DGKB: variants seen among roughly 807,000 people sequenced by gnomAD.
DGKB encodes 90 kDa diacylglycerol kinase.
Under a neutral mutation model 114.3 loss-of-function variants are expected in DGKB, and 67 were observed. That is an observed-to-expected ratio of 0.59 (90% CI 0.48 to 0.72). DGKB has a LOEUF of 0.72. DGKB is among the 30% of genes least tolerant of loss of function. DGKB has a pLI of 0.00. For synonymous variants in DGKB, 398 were observed against 323.1 expected (o/e 1.23, Z -2.49); for missense variants, 907 against 975.2 (o/e 0.93, Z 0.93).
At chr7:14,169,540 G>A (rs1280769411) in intron 25 of DGKB, among the ~76,000 whole-genome samples, 8 of 152,052 alleles carry the variant, frequency 5.3e-5, no homozygotes, top group African/African-American at 1.9e-4. Flanking sequence ...GTAATCCTCT[G>A]GGAAGTGGTT....
intron 21 of DGKB, among the ~76,000 whole-genome samples, chr7:14,469,144 A>C (rs1780910178): frequency 6.6e-6 from 1 of 152,154 alleles, no homozygotes; most frequent in South Asian, 2.1e-4. Flanking sequence ...CTGTAAAGTT[A>C]CAAAGTAGAA....
At chr7:14,589,675 G>A (rs1232159149) in intron 17 of DGKB, among the ~76,000 whole-genome samples, 2 of 151,568 alleles carry the variant, frequency 1.3e-5, no homozygotes, top group African/African-American at 2.4e-5. Flanking sequence ...TCCTTTAATC[G>A]GTTAGTGTGA....
chr7:14,832,893 T>C (rs1281319933), intron 2 of DGKB, among the ~76,000 whole-genome samples: 2 of 152,166 alleles, frequency 1.3e-5, no homozygotes, highest in Non-Finnish European at 2.9e-5. Flanking sequence ...GCTCCAGATA[T>C]GTATTTCCAA....
At chr7:14,777,384 C>T (rs1838358501) in intron 2 of DGKB, among the ~76,000 whole-genome samples, 1 of 152,074 alleles carries the variant, frequency 6.6e-6, no homozygotes. Flanking sequence ...CATGGTTTGG[C>T]TATGTCACCA....
At chr7:14,528,027 G>A (rs554417404) in intron 20 of DGKB, among the ~76,000 whole-genome samples, 113 of 152,126 alleles carry the variant, frequency 7.4e-4, no homozygotes, top group African/African-American at 2.5e-3. Context: ...AAGCATCTTT[G>A]GGTAAAGTGA....
chr7:14,523,580 C>T (rs1790135739), intron 20 of DGKB, among the ~76,000 whole-genome samples: 1 of 151,920 alleles, frequency 6.6e-6, no homozygotes, highest in African/African-American at 2.4e-5. Context: ...AACATAAATG[C>T]TTTTATATTG....
At chr7:14,269,539 A>C (rs1584840473) in intron 23 of DGKB, among the ~76,000 whole-genome samples, 1 of 152,300 alleles carries the variant, frequency 6.6e-6, no homozygotes, top group African/African-American at 2.4e-5. Context: ...TCTTACATTT[A>C]TCTGAATTCA....
rs1010683193 is a variant in DGKB, at chr7:14,851,380, T to C, written c.-187-9930A>G. On this transcript the variant is annotated intron_variant, in intron 1 of 25. Coordinates refer to ENST00000402815, the MANE Select transcript of DGKB (RefSeq NM_001350709.2). ...TAAGAAAGTTCCTTCAAGTGAATTT[T>C]CTATTCTCTTTCTTTTCACTTATGA... Among the ~76,000 whole-genome samples, 8 of 152,346 alleles carry C rather than the reference T, an allele frequency of 5.3e-5. No individual in the cohort carries two copies. The South Asian group carries it at 8.3e-4, about 16-fold the overall frequency.
chr7:14,856,621 C>CATTGATGTCACTGCTGTAGAGTAAAAGT, intron 1 of DGKB, among the ~76,000 whole-genome samples: 1 of 151,932 alleles, frequency 6.6e-6, no homozygotes, highest in East Asian at 1.9e-4. Flanking sequence ...GGCTCTGTCT[C>CATTGATGTCACTGCTGTAGAGTAAAAGT]ATTGATGTCA....
intron 13 of DGKB, among the ~76,000 whole-genome samples, chr7:14,651,464 A>G (rs1814476440): frequency 6.9e-6 from 1 of 145,512 alleles, no homozygotes. Flanking sequence ...CATGCTAAAA[A>G]CTCTCAATAA....
intron 20 of DGKB, among the ~76,000 whole-genome samples, chr7:14,544,352 G>A (rs926103940): frequency 6.6e-6 from 1 of 152,176 alleles, no homozygotes; most frequent in Non-Finnish European, 1.5e-5. Flanking sequence ...TAGTAGAAAA[G>A]TAGTGGTTTG....
intron 1 of DGKB, among the ~76,000 whole-genome samples, chr7:14,901,739 G>T (rs1783113687): frequency 6.6e-6 from 1 of 151,164 alleles, no homozygotes; most frequent in African/African-American, 2.4e-5. Context: ...TCAGTATTCT[G>T]CTTGCATTCA....
chr7:14,765,976 T>A (rs1836393860), intron 2 of DGKB, among the ~76,000 whole-genome samples: 1 of 151,938 alleles, frequency 6.6e-6, no homozygotes, highest in African/African-American at 2.4e-5. Context: ...ATCATTAATG[T>A]GGAGTTGGGA....
chr7:14,787,735 A>G (rs1840099662), intron 2 of DGKB, among the ~76,000 whole-genome samples: 1 of 152,210 alleles, frequency 6.6e-6, no homozygotes, highest in African/African-American at 2.4e-5. Context: ...TCCCTCCTCC[A>G]GGTGACGTGA....
intron 1 of DGKB, among the ~76,000 whole-genome samples, chr7:14,972,938 C>G (rs60992170): frequency 6.6e-6 from 1 of 151,790 alleles, no homozygotes; most frequent in Non-Finnish European, 1.5e-5. Context: ...AGTGGGTTAA[C>G]GTTATATATG....
intron 20 of DGKB, among the ~76,000 whole-genome samples, chr7:14,501,381 A>AG (rs60370030): frequency 0.62 from 94,004 of 151,518 alleles, 29,862 homozygotes; most frequent in East Asian, 0.86. Context: ...CTGATTGAGC[A>AG]ACTTATAATT....
intron 21 of DGKB, among the ~76,000 whole-genome samples, chr7:14,410,014 G>A (rs1824606261): frequency 2.6e-5 from 4 of 151,912 alleles, no homozygotes; most frequent in Admixed American, 2.6e-4. Context: ...GTTAAATTTG[G>A]GAGGGATTCA....
chr7:14,872,312 T>C (rs1005794765), intron 1 of DGKB, among the ~76,000 whole-genome samples: 24 of 152,062 alleles, frequency 1.6e-4, no homozygotes, highest in African/African-American at 5.8e-4. Context: ...CACAAATAAA[T>C]GATTAAAACA....
At chr7:14,255,196 A>C (rs1355105671) in intron 23 of DGKB, among the ~76,000 whole-genome samples, 1 of 152,222 alleles carries the variant, frequency 6.6e-6, no homozygotes, top group East Asian at 1.9e-4. Context: ...ACCAGCTTGA[A>C]AACTCCTCTT....
Sources: allele counts gnomAD v4.1 joint callset (sites outside exome capture counted in the v4.1 genomes callset), GRCh38; gene constraint gnomAD v4.1.1; transcripts MANE v1.5; gene names NCBI Gene and HGNC (gene_info 2026-07-23, HGNC 2026-07-21).